Variants in OPCML observed in about 807,000 individuals in gnomAD.
OPCML encodes opioid binding protein/cell adhesion molecule like.
In OPCML, 13 loss-of-function variants were observed where a neutral mutation model predicts 37.8. That is an observed-to-expected ratio of 0.34 (90% CI 0.22 to 0.55). The LOEUF is 0.55. Among genes scored for constraint, OPCML ranks in the 20% least tolerant of loss-of-function variants. OPCML has a pLI of 0.91. For missense variants in OPCML, 341 were observed against 435.6 expected, an observed-to-expected ratio of 0.78 and a Z score of 1.93; for synonymous variants, 176 against 168.8, an observed-to-expected ratio of 1.04 and a Z score of -0.33.
chr11:133,305,140 AC>A (rs771694903), intron 1 of OPCML, among the ~76,000 whole-genome samples: 25 of 152,134 alleles, frequency 1.6e-4, no homozygotes, highest in Non-Finnish European at 5.9e-5. Flanking sequence ...GAGAAAAAAA[AC>A]CTTTCTCTTA....
chr11:132,743,709 A>G (rs562112444), intron 2 of OPCML, among the ~76,000 whole-genome samples: 8 of 152,334 alleles, frequency 5.3e-5, no homozygotes, highest in African/African-American at 1.9e-4. Context: ...ATTTTACACC[A>G]CATTCCTCAG....
intron 4 of OPCML, among the ~76,000 whole-genome samples, chr11:132,441,171 T>TTTTTTGTTTTG (rs1555122539): frequency 6.1e-5 from 7 of 114,576 alleles, no homozygotes; most frequent in African/African-American, 2.1e-4. Context: ...TTTTGTTTTT[T>TTTTTTGTTTTG]TTTTTTTTTT....
At chr11:133,443,285 A>T (rs1341980896) in intron 1 of OPCML, among the ~76,000 whole-genome samples, 1 of 152,208 alleles carries the variant, frequency 6.6e-6, no homozygotes, top group Admixed American at 6.5e-5. Flanking sequence ...CTGTTTTAGG[A>T]AAGTGCTAGG....
intron 1 of OPCML, among the ~76,000 whole-genome samples, chr11:132,964,110 A>T (rs1245105624): frequency 6.6e-6 from 1 of 152,210 alleles, no homozygotes; most frequent in African/African-American, 2.4e-5. Context: ...TGCTGTTGAG[A>T]GGAAAGTCAC....
intron 1 of OPCML, among the ~76,000 whole-genome samples, chr11:133,042,558 G>A (rs1045953345): frequency 2.6e-5 from 4 of 152,086 alleles, no homozygotes; most frequent in African/African-American, 9.7e-5. Flanking sequence ...CTAGTTGGGG[G>A]GACTCTAATC....
intron 1 of OPCML, among the ~76,000 whole-genome samples, chr11:133,519,262 A>G (rs1436563814): frequency 6.6e-6 from 1 of 152,130 alleles, no homozygotes. Context: ...GCCACCTACC[A>G]CCAAATGTTC....
At chr11:132,621,988 A>T (rs1226063113) in intron 3 of OPCML, among the ~76,000 whole-genome samples, 1 of 152,210 alleles carries the variant, frequency 6.6e-6, no homozygotes, top group Admixed American at 6.5e-5. Flanking sequence ...GAGATTAGCC[A>T]TCATCTCTTT....
chr11:132,809,926 T>G (rs568204495), intron 2 of OPCML, among the ~76,000 whole-genome samples: 2,445 of 152,320 alleles, frequency 0.016, 27 homozygotes, highest in Middle Eastern at 0.031. Flanking sequence ...CTCGGCTCAC[T>G]GCAGGCTCCG....
intron 1 of OPCML, among the ~76,000 whole-genome samples, chr11:133,184,997 AT>A (rs1462458755): frequency 6.6e-6 from 1 of 152,148 alleles, no homozygotes; most frequent in Non-Finnish European, 1.5e-5. Flanking sequence ...TTTTCCTTCA[AT>A]TTTGACTCTA....
chr11:133,022,455 G>A (rs753808141), intron 1 of OPCML, among the ~76,000 whole-genome samples: 2 of 151,500 alleles, frequency 1.3e-5, no homozygotes, highest in Non-Finnish European at 2.9e-5. Flanking sequence ...TGACCATCAC[G>A]CAAATGGTGA....
At chr11:133,342,783 C>T (rs1468165104) in intron 1 of OPCML, among the ~76,000 whole-genome samples, 1 of 152,114 alleles carries the variant, frequency 6.6e-6, no homozygotes, top group Admixed American at 6.6e-5. Context: ...CCGTTTGGGA[C>T]ATAGAGGGAG....
chr11:132,448,304 G>T (rs1357371598), intron 4 of OPCML, among the ~76,000 whole-genome samples: 1 of 152,154 alleles, frequency 6.6e-6, no homozygotes, highest in African/African-American at 2.4e-5. Context: ...CCAACCATCA[G>T]CATTCATCAA....
At chr11:132,956,432 T>C (rs1945979318) in intron 1 of OPCML, among the ~76,000 whole-genome samples, 1 of 152,374 alleles carries the variant, frequency 6.6e-6, no homozygotes, top group South Asian at 2.1e-4. Context: ...GTTTACATGA[T>C]AGTGCCCCGC....
At chr11:132,539,600 GA>G (rs2096350601) in intron 3 of OPCML, among the ~76,000 whole-genome samples, 1 of 152,034 alleles carries the variant, frequency 6.6e-6, no homozygotes, top group African/African-American at 2.4e-5. Context: ...GATGGTGATA[GA>G]TGATGATGGT....
intron 1 of OPCML, among the ~76,000 whole-genome samples, chr11:133,043,922 G>A (rs1261087523): frequency 6.6e-6 from 1 of 152,132 alleles, no homozygotes; most frequent in African/African-American, 2.4e-5. Flanking sequence ...ATACTTATTG[G>A]TGATCTTCCA....
intron 1 of OPCML, among the ~76,000 whole-genome samples, chr11:133,194,514 C>T (rs528327643): frequency 6.0e-4 from 91 of 152,056 alleles, no homozygotes; most frequent in Non-Finnish European, 1.1e-3. Context: ...CCGGCTGCTT[C>T]AGTTTTCTAC....
chr11:133,430,982 G>A (rs1249429048), intron 1 of OPCML, among the ~76,000 whole-genome samples: 3 of 152,076 alleles, frequency 2.0e-5, no homozygotes, highest in African/African-American at 7.2e-5. Context: ...CATGGGTTTC[G>A]AACGTTAGTT....
intron 3 of OPCML, among the ~76,000 whole-genome samples, chr11:132,531,433 G>A (rs765649492): frequency 2.6e-5 from 4 of 152,184 alleles, no homozygotes; most frequent in Non-Finnish European, 5.9e-5. Context: ...AAACCAACCT[G>A]AGTTGATGTC....
At chr11:132,861,092 T>C (rs1168498087) in intron 2 of OPCML, among the ~76,000 whole-genome samples, 1 of 152,224 alleles carries the variant, frequency 6.6e-6, no homozygotes, top group Non-Finnish European at 1.5e-5. Flanking sequence ...AAAGTAGATA[T>C]TTTCATTTGC....
Sources: allele counts gnomAD v4.1 joint callset (sites outside exome capture counted in the v4.1 genomes callset), GRCh38; gene constraint gnomAD v4.1.1; transcripts MANE v1.5; gene names NCBI Gene and HGNC (gene_info 2026-07-23, HGNC 2026-07-21).